Variants in MMS22L observed in about 807,000 individuals in gnomAD.
MMS22L encodes the protein protein MMS22-like.
A neutral mutation model predicts 159.1 loss-of-function variants in MMS22L; 74 were observed. The observed-to-expected ratio is 0.47, with a 90% CI of 0.39 to 0.56. The LOEUF is 0.56. MMS22L is among the 20% of genes least tolerant of loss of function. The pLI, the probability that MMS22L is intolerant of heterozygous loss-of-function variation, is 0.00. For synonymous variants in MMS22L, 517 were observed against 506.9 expected (o/e 1.02, Z -0.27); for missense variants, 1,351 against 1,422.1 (o/e 0.95, Z 0.80).
rs1465049409 is a variant in MMS22L, at chr6:97,282,503, T to TG, written c.-27dup. The stretch of plus-strand genomic sequence containing the variant: ...TGTTTACTTCATGTTCTGAAACACT[T>TG]GGGGTTCGTCGTATCATTAAGGGCT... On this transcript the variant is annotated 5_prime_UTR_variant, in exon 2 of 25. It introduces an in-frame stop codon into an upstream open reading frame of the 5' UTR. Transcript: ENST00000683635. 1 of 1,481,206 alleles carries TG rather than the reference T, an allele frequency of 6.8e-7. No homozygotes were observed. The highest frequency in any genetic ancestry group is 9.1e-7 in the Non-Finnish European group (1 of 1,103,808). 91.8% of individuals were successfully genotyped at this position (1,481,206 alleles called of 1,614,324 possible).
intron 14 of MMS22L, among the ~76,000 whole-genome samples, chr6:97,188,972 A>AAAT (rs888709616): frequency 4.7e-4 from 71 of 151,600 alleles, no homozygotes; most frequent in African/African-American, 1.6e-3. Flanking sequence ...AATAATTTAA[A>AAAT]AATAATAATA....
Position 97,143,707 on chromosome 6 carries a change from T to TA in MMS22L, c.*3098dup, listed in dbSNP as rs1309343117. ...TAAAATGCCTCTGACATTTCAAGGC[T>TA]AAATAACTTAGGACAATAGTGTATT... is the stretch of plus-strand genomic sequence containing the variant. On this transcript the variant is annotated 3_prime_UTR_variant, in exon 25 of 25. Coordinates refer to ENST00000683635, the MANE Select transcript of MMS22L (RefSeq NM_001350599.2). 1 of 152,108 alleles carries TA rather than the reference T, an allele frequency of 6.6e-6. No individual in the cohort carries two copies. Among genetic ancestry groups the TA allele is most frequent in the Non-Finnish European group, 1.5e-5 (1 of 68,026 alleles). 9.4% of individuals were successfully genotyped at this position (152,108 alleles called of 1,614,324 possible). A position where few individuals can be genotyped will look rare whatever the true frequency, so the allele number is the denominator to read the frequency against.
intron 14 of MMS22L, among the ~76,000 whole-genome samples, chr6:97,209,924 C>T (rs1042166311): frequency 2.6e-5 from 4 of 151,812 alleles, no homozygotes; most frequent in African/African-American, 9.7e-5. Flanking sequence ...TTAATTTAAT[C>T]GTGCTGGCAG....
At chr6:97,165,480 A>T in intron 20 of MMS22L, 23 bp from the exon 21 acceptor site, 1 of 1,588,934 alleles carries the variant, frequency 6.3e-7, no homozygotes, top group Non-Finnish European at 8.6e-7. Flanking sequence ...AAAGTAAGAA[A>T]TACTAAGAGG....
intron 14 of MMS22L, among the ~76,000 whole-genome samples, chr6:97,225,586 C>CTTTTTTTTT: frequency 7.3e-6 from 1 of 136,720 alleles, no homozygotes; most frequent in African/African-American, 2.7e-5. Flanking sequence ...TTTTTTTTTT[C>CTTTTTTTTT]TTTTGAGACC....
chr6:97,256,916 C>G (rs1362871580), intron 9 of MMS22L, among the ~76,000 whole-genome samples: 1 of 152,164 alleles, frequency 6.6e-6, no homozygotes, highest in Non-Finnish European at 1.5e-5. Flanking sequence ...TACTGCACTC[C>G]AGACTGGGTG....
At chr6:97,190,114 T>G (rs775043849) in intron 14 of MMS22L, among the ~76,000 whole-genome samples, 21 of 152,214 alleles carry the variant, frequency 1.4e-4, no homozygotes, top group Non-Finnish European at 2.4e-4. Context: ...ATGTGACCAC[T>G]GCATATCTGC....
chr6:97,153,618 G>A (rs1194817021), intron 22 of MMS22L, among the ~76,000 whole-genome samples: 1 of 151,998 alleles, frequency 6.6e-6, no homozygotes, highest in African/African-American at 2.4e-5. Context: ...TGATTCACCT[G>A]CCTCAGCCTC....
chr6:97,272,775 A>C lies in MMS22L; in HGVS notation c.535T>G (p.Leu179Val), dbSNP rs752041009. 38 of 1,613,964 alleles carry C rather than the reference A, an allele frequency of 2.4e-5. No homozygotes were observed. The highest frequency in any genetic ancestry group is 5.9e-6 in the Non-Finnish European group (7 of 1,179,946). Residue 179 changes from leucine (L) to valine (V), a missense_variant, in exon 6 of 25, where the codon TTG becomes GTG. Physicochemically the swap from Leu to Val is conservative, Grantham distance 32 (BLOSUM62 1). Transcript: ENST00000683635. ...VLIDELHGLL[L>V]YIGHLSELPS... Reference sequence around the variant, plus strand: ...AGTTCAGATAGGTGTCCAATATACAAGAGTAATCCATGAAGCTCATCAATC... The same window carrying C: ...AGTTCAGATAGGTGTCCAATATACACGAGTAATCCATGAAGCTCATCAATC...
rs1320160963 is a variant in MMS22L, at chr6:97,263,316, C to A, written c.942+19G>T. 7.1e-7 allele frequency: 1 copy of A among 1,417,806 alleles called. No homozygotes were observed. The highest frequency in any genetic ancestry group is 1.2e-5 in the South Asian group (1 of 81,494). The allele number at this position is 1,417,806 out of a possible 1,614,324, so 87.8% of individuals were successfully genotyped here. A position where few individuals can be genotyped will look rare whatever the true frequency, so the allele number is the denominator to read the frequency against. ...TAAAGGTTAGTAACAATAACCAACA[C>A]ATCAATTTTCCAACTTACTTCCGAG... On this transcript the variant is annotated intron_variant, in intron 9 of 24. Coordinates refer to ENST00000683635, the MANE Select transcript of MMS22L (RefSeq NM_001350599.2).
chr6:97,243,265 C>A (rs1161768051), intron 11 of MMS22L, among the ~76,000 whole-genome samples: 2 of 152,026 alleles, frequency 1.3e-5, no homozygotes, highest in Non-Finnish European at 2.9e-5. Flanking sequence ...AGGTTTTGTT[C>A]ATTTTTTTAA....
At chr6:97,228,750 C>T (rs1810522229) in intron 14 of MMS22L, 144 bp downstream of exon 14, 1 of 713,080 alleles carries the variant, frequency 1.4e-6, no homozygotes, top group Non-Finnish European at 2.3e-6. Flanking sequence ...TGATTTATGC[C>T]CATGTAGTAG....
At chr6:97,159,425 T>C (rs1345200459) in intron 22 of MMS22L, among the ~76,000 whole-genome samples, 4 of 152,086 alleles carry the variant, frequency 2.6e-5, no homozygotes, top group Non-Finnish European at 5.9e-5. Flanking sequence ...CTATGCACTA[T>C]ATAGCTCTAT....
rs146490894 is a variant in MMS22L at position 97,169,575 on chromosome 6, C to T, written c.2840-1335G>A. 8.7e-3 allele frequency among the ~76,000 whole-genome samples: 1,325 copies of T among 152,164 alleles called. 59 individuals carry two copies. The highest frequency in any genetic ancestry group is 0.075 in the Admixed American group (1,147 of 15,278). ...TAAAGAAAAAAACTCAACAAATTAT[C>T]ACTTTTAAGAACAAACAGCAACATT... On this transcript the variant is annotated intron_variant, in intron 19 of 24. Transcript: ENST00000683635.
rs1318380328 is a variant in MMS22L, at chr6:97,145,101, G to A, written c.*1705C>T. 3 of 139,916 alleles carry A rather than the reference G, an allele frequency of 2.1e-5. No homozygotes were observed. Among genetic ancestry groups the A allele is most frequent in the African/African-American group, 5.4e-5 (2 of 36,698 alleles). The allele number at this position is 139,916 out of a possible 1,614,324, so 8.7% of individuals were successfully genotyped here. A position where few individuals can be genotyped will look rare whatever the true frequency, so the allele number is the denominator to read the frequency against. ...ATACACATAAATAACCTCTTTAAAGGCATCACCTTAAATAGATAAAACTCC... is the reference window on the plus strand; with the variant it reads ...ATACACATAAATAACCTCTTTAAAGACATCACCTTAAATAGATAAAACTCC... On this transcript the variant is annotated 3_prime_UTR_variant, in exon 25 of 25. Transcript: ENST00000683635.
At chr6:97,240,381 A>G (rs757007330) in intron 11 of MMS22L, among the ~76,000 whole-genome samples, 1 of 152,210 alleles carries the variant, frequency 6.6e-6, no homozygotes, top group Non-Finnish European at 1.5e-5. Flanking sequence ...GATTAGTCAT[A>G]TTATTCCTAC....
At chr6:97,212,672 A>G (rs1251499166) in intron 14 of MMS22L, among the ~76,000 whole-genome samples, 1 of 152,250 alleles carries the variant, frequency 6.6e-6, no homozygotes. Flanking sequence ...GTTGAAGACT[A>G]CAGTGAAAGA....
intron 22 of MMS22L, among the ~76,000 whole-genome samples, chr6:97,153,244 T>C (rs963387374): frequency 6.6e-6 from 1 of 152,056 alleles, no homozygotes; most frequent in Admixed American, 6.6e-5. Context: ...ATATTCAGAG[T>C]TGTACAACCA....
chr6:97,163,931 A>C (rs1449548905), intron 21 of MMS22L, among the ~76,000 whole-genome samples: 1 of 152,072 alleles, frequency 6.6e-6, no homozygotes, highest in Non-Finnish European at 1.5e-5. Flanking sequence ...GGAAACGGTA[A>C]GTGATGGATT....
Sources: allele counts gnomAD v4.1 joint callset (sites outside exome capture counted in the v4.1 genomes callset), GRCh38; gene constraint gnomAD v4.1.1; transcripts MANE v1.5; gene names NCBI Gene and HGNC (gene_info 2026-07-23, HGNC 2026-07-21).